The following TENM3 variants were observed in gnomAD, a reference collection of about 807,000 sequenced individuals.
The protein encoded by TENM3 is teneurin transmembrane protein 3.
A neutral mutation model predicts 255.1 loss-of-function variants in TENM3; 63 were observed. The ratio of observed to expected loss-of-function variants is 0.25; its 90% confidence interval spans 0.20 to 0.30. The LOEUF (loss-of-function observed/expected upper bound fraction) is 0.30, where lower values mean the gene tolerates loss of function less well. Ranked by LOEUF, TENM3 falls within the 10% of genes least tolerant of loss-of-function variation. The pLI is 1.00. For synonymous variants in TENM3, 1,306 were observed against 1,322.3 expected (o/e 0.99, Z 0.27); for missense variants, 2,929 against 3,461.1 (o/e 0.85, Z 3.86).
the TENM3 span, among the ~76,000 whole-genome samples, chr4:181,680,744 A>T: frequency 6.6e-6 from 1 of 152,152 alleles, no homozygotes; most frequent in Admixed American, 6.6e-5. Context: ...AGTGCTAGAT[A>T]TGAGATATTG....
At chr4:181,662,465 T>C in the TENM3 span, among the ~76,000 whole-genome samples, 2 of 152,242 alleles carry the variant, frequency 1.3e-5, no homozygotes, top group African/African-American at 4.8e-5. Flanking sequence ...AGTCTATTAC[T>C]TCTCTGCACA....
the TENM3 span, among the ~76,000 whole-genome samples, chr4:181,639,728 A>C: frequency 6.6e-6 from 1 of 152,122 alleles, no homozygotes; most frequent in Non-Finnish European, 1.5e-5. Flanking sequence ...GGACAAGAGC[A>C]AGACTTATTC....
At chr4:182,172,804 G>C (rs935328534) in intron 1 of TENM3, among the ~76,000 whole-genome samples, 1 of 151,988 alleles carries the variant, frequency 6.6e-6, no homozygotes, top group African/African-American at 2.4e-5. Context: ...CATTTACCAG[G>C]GTGGTAAAGA....
intron 1 of TENM3, among the ~76,000 whole-genome samples, chr4:182,297,764 T>C (rs761566374): frequency 6.6e-6 from 1 of 152,200 alleles, no homozygotes; most frequent in African/African-American, 2.4e-5. Flanking sequence ...AAGTGGAGTA[T>C]AGAACAGGCT....
intron 3 of TENM3, among the ~76,000 whole-genome samples, chr4:182,570,007 G>A (rs1744199761): frequency 1.3e-5 from 2 of 152,132 alleles, no homozygotes; most frequent in Admixed American, 6.6e-5. Flanking sequence ...TTTGATTTTA[G>A]TTTGGCTACT....
intron 12 of TENM3, among the ~76,000 whole-genome samples, chr4:182,695,782 T>C (rs1011170259): frequency 2.0e-5 from 3 of 152,222 alleles, no homozygotes; most frequent in African/African-American, 4.8e-5. Context: ...CTAAAATGCC[T>C]AATTAAAACA....
At chr4:181,466,890 T>A in the TENM3 span, among the ~76,000 whole-genome samples, 6 of 151,724 alleles carry the variant, frequency 4.0e-5, no homozygotes, top group Non-Finnish European at 7.4e-5. Flanking sequence ...CTATTTTATC[T>A]AAAACAGTGG....
the TENM3 span, among the ~76,000 whole-genome samples, chr4:181,970,143 T>C: frequency 1.3e-5 from 2 of 152,362 alleles, no homozygotes; most frequent in African/African-American, 4.8e-5. Context: ...TAAATAGTAT[T>C]CATCTAGACA....
the TENM3 span, among the ~76,000 whole-genome samples, chr4:181,492,226 T>G: frequency 2.2e-4 from 34 of 152,324 alleles, no homozygotes; most frequent in Admixed American, 2.2e-3. Flanking sequence ...TTTGAAAATC[T>G]TTTTCAGGTG....
the TENM3 span, among the ~76,000 whole-genome samples, chr4:181,599,528 C>A: frequency 1.3e-5 from 2 of 152,156 alleles, no homozygotes; most frequent in African/African-American, 4.8e-5. Flanking sequence ...CACACATTCT[C>A]CTACCACTGA....
At chr4:181,923,519 A>G in the TENM3 span, among the ~76,000 whole-genome samples, 1,015 of 152,300 alleles carry the variant, frequency 6.7e-3, 13 homozygotes, top group African/African-American at 0.023. Context: ...ATGGCTTCAA[A>G]TGCTCTGCAT....
the TENM3 span, among the ~76,000 whole-genome samples, chr4:181,537,848 T>A: frequency 6.6e-6 from 1 of 152,362 alleles, no homozygotes; most frequent in Non-Finnish European, 1.5e-5. Context: ...CCTGTCTTTG[T>A]CTGCATTAAT....
the TENM3 span, among the ~76,000 whole-genome samples, chr4:181,693,338 A>G: frequency 6.6e-6 from 1 of 152,180 alleles, no homozygotes; most frequent in Non-Finnish European, 1.5e-5. Flanking sequence ...AGGCCTTCAG[A>G]GGTGACCTGT....
In TENM3 at chr4:182,295,601, G is replaced by A. The variant is rs189481317; in HGVS notation, c.-75-28345G>A. On this transcript the variant is annotated intron_variant, in intron 1 of 27. Transcript: ENST00000511685. Reference sequence around the variant, plus strand: ...TGCTTTTCTAGTCTTTATATTTTAAGATTCTAACCCTTGTAGCAAAAACAA... The same window carrying A: ...TGCTTTTCTAGTCTTTATATTTTAAAATTCTAACCCTTGTAGCAAAAACAA... 3.3e-5 allele frequency among the ~76,000 whole-genome samples: 5 copies of A among 152,092 alleles called. No homozygotes were observed. The East Asian group carries it at 9.7e-4, about 29-fold the overall frequency.
At chr4:182,089,149 A>C in the TENM3 span, among the ~76,000 whole-genome samples, 1 of 152,306 alleles carries the variant, frequency 6.6e-6, no homozygotes, top group Admixed American at 6.5e-5. Flanking sequence ...AGCCCCCAGA[A>C]CTGTAAGAAA....
chr4:182,021,853 T>G, the TENM3 span, among the ~76,000 whole-genome samples: 2 of 152,062 alleles, frequency 1.3e-5, no homozygotes, highest in African/African-American at 4.8e-5. Flanking sequence ...ACCTTTCTAA[T>G]CAGAAAAAAA....
chr4:182,567,131 A>C (rs1272435881), intron 3 of TENM3, among the ~76,000 whole-genome samples: 1 of 152,220 alleles, frequency 6.6e-6, no homozygotes, highest in Non-Finnish European at 1.5e-5. Context: ...TAGGTCGTAG[A>C]GCGCAAAAGG....
chr4:182,039,223 T>C, the TENM3 span, among the ~76,000 whole-genome samples: 1 of 152,272 alleles, frequency 6.6e-6, no homozygotes, highest in Non-Finnish European at 1.5e-5. Flanking sequence ...GTTTTCTTGG[T>C]TGAAAGACTT....
chr4:182,684,159 A>C (rs1756386559), intron 11 of TENM3, among the ~76,000 whole-genome samples: 1 of 151,436 alleles, frequency 6.6e-6, no homozygotes, highest in African/African-American at 2.4e-5. Flanking sequence ...AATGAGAAAG[A>C]GAAGCAGGGA....
Sources: gnomAD v4.1 joint callset for allele counts (sites outside exome capture counted in the v4.1 genomes callset) on GRCh38, gnomAD v4.1.1 for gene constraint, MANE v1.5 for transcripts, NCBI Gene and HGNC (gene_info 2026-07-23, HGNC 2026-07-21) for gene names.